METTL25B: variants seen among roughly 807,000 people sequenced by gnomAD.
The protein encoded by METTL25B is methyltransferase-like protein 25B.
METTL25B carries 38 observed loss-of-function variants against 48.4 expected under a neutral mutation model. That is an observed-to-expected ratio of 0.78 (90% CI 0.61 to 1.03). METTL25B has a LOEUF of 1.03. Among genes scored for constraint, METTL25B ranks in the 50% least tolerant of loss-of-function variants. The probability of loss-of-function intolerance (pLI) is 0.00; values close to 1 mark genes in which losing one functional copy is unlikely to be tolerated. For synonymous variants in METTL25B, 230 were observed against 254.5 expected, an observed-to-expected ratio of 0.90 and a Z score of 0.92; for missense variants, 537 against 603.7, an observed-to-expected ratio of 0.89 and a Z score of 1.16.
intron 4 of METTL25B, 26 bp downstream of exon 4, chr1:156,733,073 T>A (rs1434848149): frequency 1.2e-6 from 2 of 1,608,576 alleles, no homozygotes. Context: ...GATGTACTGT[T>A]TTTTTGAGTC....
chr1:156,733,579 G>A (rs551512283), intron 5 of METTL25B, 59 bp downstream of exon 5: 7 of 1,561,904 alleles, frequency 4.5e-6, no homozygotes, highest in Non-Finnish European at 5.3e-6. Flanking sequence ...GGCTGGAATT[G>A]AGCACAGAGG....
At chr1:156,733,651 C>T in intron 5 of METTL25B, 131 bp downstream of exon 5, 1 of 1,029,764 alleles carries the variant, frequency 9.7e-7, no homozygotes, top group Non-Finnish European at 1.4e-6. Context: ...TCTATTACCT[C>T]TTTCCCAAGG....
chr1:156,733,433 A>G lies in METTL25B; in HGVS notation c.549A>G (p.Glu183=). ...LGLGLMVKSI[E]GDQRLVERAQ... ...TGGGGTTGATGGTGAAGAGCATCGA[A>G]GGGGATCAGAGACTGGTGGAGAGAG... The change falls in exon 5 of 8, where the codon GAA becomes GAG. Residue 183 remains glutamate, a synonymous_variant. Transcript: ENST00000368216. 2 of 1,614,022 alleles carry G rather than the reference A, an allele frequency of 1.2e-6. No individual in the cohort carries two copies. The highest frequency in any genetic ancestry group is 1.7e-6 in the Non-Finnish European group (2 of 1,179,948).
chr1:156,735,282 C>T (rs1205494429), intron 6 of METTL25B, among the ~76,000 whole-genome samples: 1 of 149,400 alleles, frequency 6.7e-6, no homozygotes, highest in Non-Finnish European at 1.5e-5. Context: ...GAGCAAGACT[C>T]TGTCTCCAAA....
chr1:156,728,518 C>T lies in METTL25B; in HGVS notation c.-587C>T, dbSNP rs561651983. 1.0e-6 allele frequency: 1 copy of T among 985,644 alleles called. No individual in the cohort carries two copies. The highest frequency in any genetic ancestry group is 4.7e-5 in the South Asian group (1 of 21,484). 61.1% of individuals were successfully genotyped at this position (985,644 alleles called of 1,614,324 possible). ...AGGCAGGCGCGCGGGTTAGAACGCGCCAGAGGTCGGCGCGCGCACACCCGC... is the reference window on the plus strand; with the variant it reads ...AGGCAGGCGCGCGGGTTAGAACGCGTCAGAGGTCGGCGCGCGCACACCCGC... On this transcript the variant is annotated 5_prime_UTR_variant, in exon 1 of 8. Transcript: ENST00000368216.
chr1:156,735,878 A>G lies in METTL25B; in HGVS notation c.1275A>G (p.Leu425=), dbSNP rs1337754936. ...CCCCACTGGTGGAGACGCTTATTCT[A>G]CTGGACCGGCTGCTGTACCTTCAGG... ...LLAPLVETLI[L]LDRLLYLQEQ... Residue 425 remains leucine (L), a synonymous_variant, in exon 7 of 8, where the codon CTA becomes CTG. Coordinates refer to ENST00000368216, the MANE Select transcript of METTL25B (RefSeq NM_015997.4). The G allele has an allele frequency of 2.5e-6, 4 of 1,612,184 alleles. No individual in the cohort carries two copies. Among genetic ancestry groups the G allele is most frequent in the Non-Finnish European group, 3.4e-6 (4 of 1,179,268 alleles).
chr1:156,736,058 G>C, intron 7 of METTL25B, 149 bp downstream of exon 7: 2 of 637,204 alleles, frequency 3.1e-6, no homozygotes, highest in Non-Finnish European at 5.1e-6. Flanking sequence ...ATTGGGAGTA[G>C]GGGATTTGTT....
chr1:156,735,669 T>G, intron 6 of METTL25B, 56 bp from the exon 7 acceptor site: 36 of 1,435,176 alleles, frequency 2.5e-5, no homozygotes, highest in Non-Finnish European at 3.1e-5. Context: ...AAAGTTTAAG[T>G]GAGAGGTGAC....
rs756829274 is a variant in METTL25B, at chr1:156,733,147, A to G, written c.492+100A>G. On this transcript the variant is annotated intron_variant, in intron 4 of 7. Coordinates refer to ENST00000368216, the MANE Select transcript of METTL25B (RefSeq NM_015997.4). Reference sequence around the variant, plus strand: ...CACAGGCCCAGCGAGGCAGGTGTCAAGAAGCGTGGAATTTTTTTTTTCTCT... The same window carrying G: ...CACAGGCCCAGCGAGGCAGGTGTCAGGAAGCGTGGAATTTTTTTTTTCTCT... 1.8e-5 allele frequency: 23 copies of G among 1,274,228 alleles called. No homozygotes were observed. In the South Asian group the frequency reaches 2.9e-4, roughly 16 times the overall value. The allele number at this position is 1,274,228 out of a possible 1,614,324, so 78.9% of individuals were successfully genotyped here.
rs10908517 is a variant in METTL25B, at chr1:156,728,554, C to A, written c.-551C>A. 0.2 allele frequency: 195,265 copies of A among 985,440 alleles called. 19,813 individuals are homozygous for A. Among genetic ancestry groups the A allele is most frequent in the Admixed American group, 0.21 (3,392 of 16,270 alleles). 61.0% of individuals were successfully genotyped at this position (985,440 alleles called of 1,614,324 possible). On this transcript the variant is annotated 5_prime_UTR_variant, in exon 1 of 8. Transcript: ENST00000368216. ...CGCGCGCACACCCGCACCGCCCCGA[C>A]CCCAGGTAGTGAGGCCAGTGATTCC... is the stretch of plus-strand genomic sequence containing the variant.
intron 6 of METTL25B, 36 bp from the exon 7 acceptor site, chr1:156,735,689 A>C (rs750070955): frequency 1.3e-6 from 2 of 1,539,296 alleles, no homozygotes; most frequent in Non-Finnish European, 1.8e-6. Context: ...CAGTTCTTAA[A>C]ACCAAACTGA....
Position 156,735,873 on chromosome 1 carries a change from A to C in METTL25B, c.1270A>C (p.Ile424Leu), listed in dbSNP as rs1163802414. Residue 424 changes from isoleucine to leucine, a missense_variant, in exon 7 of 8, where the codon ATT (isoleucine) becomes CTT (leucine). Physicochemically the swap from Ile to Leu is conservative, Grantham distance 5 (BLOSUM62 2). Transcript: ENST00000368216. The part of the protein sequence containing the change: ...LLLAPLVETL[I>L]LLDRLLYLQE... ...GCTTGCCCCACTGGTGGAGACGCTT[A>C]TTCTACTGGACCGGCTGCTGTACCT... The C allele has an allele frequency of 1.9e-6, 3 of 1,612,678 alleles. No individual in the cohort carries two copies. The highest frequency in any genetic ancestry group is 2.5e-6 in the Non-Finnish European group (3 of 1,179,448).
intron 4 of METTL25B, 138 bp from the exon 5 acceptor site, chr1:156,733,239 C>T: frequency 9.2e-6 from 10 of 1,092,222 alleles, no homozygotes; most frequent in Non-Finnish European, 1.3e-5. Flanking sequence ...TTAAGCCACA[C>T]TGATGTTAAT....
At chr1:156,730,625 G>A (rs546233404) in intron 1 of METTL25B, among the ~76,000 whole-genome samples, 2 of 152,194 alleles carry the variant, frequency 1.3e-5, no homozygotes, top group East Asian at 3.9e-4. Flanking sequence ...CCAGCTACTA[G>A]GGAGGCTGAG....
At chr1:156,733,274 C>G in intron 4 of METTL25B, 103 bp from the exon 5 acceptor site, 1 of 1,405,870 alleles carries the variant, frequency 7.1e-7, no homozygotes, top group Non-Finnish European at 9.7e-7. Context: ...AAAATTTAAG[C>G]CTTCTGTGGG....
At chr1:156,733,664 G>C (rs10908518) in intron 5 of METTL25B, 144 bp downstream of exon 5, 885,208 of 892,274 alleles carry the variant, frequency 0.99, 439,418 homozygotes, top group East Asian at 1. Flanking sequence ...TCCCAAGGTT[G>C]CCCTTTCCCC....
chr1:156,729,415 CTTTT>C (rs1649045434), intron 1 of METTL25B, 200 bp downstream of exon 1: 1 of 416,840 alleles, frequency 2.4e-6, no homozygotes, highest in Non-Finnish European at 4.2e-6. Context: ...CTTTTTTTTT[CTTTT>C]TCTTTTTTTT....
chr1:156,734,133 T>C lies in METTL25B; in HGVS notation c.761T>C (p.Leu254Pro). Residue 254 changes from leucine (L) to proline (P), a missense_variant, in exon 6 of 8, where the codon CTC becomes CCC. By Grantham distance (98) the Leu-to-Pro change is moderately conservative. Transcript: ENST00000368216. ...TGTCAGGGCAGGGCCCGCTTGCTGCTCACAGGCCTCCACGCCTGTGGGGAT... is the reference window on the plus strand; with the variant it reads ...TGTCAGGGCAGGGCCCGCTTGCTGCCCACAGGCCTCCACGCCTGTGGGGAT... ...NPCQGRARLL[L>P]TGLHACGDLS... 6.2e-7 allele frequency: 1 copy of C among 1,614,206 alleles called. No homozygotes were observed. Among genetic ancestry groups the C allele is most frequent in the South Asian group, 1.1e-5 (1 of 91,092 alleles).
Position 156,728,685 on chromosome 1 carries a change from A to T in METTL25B, c.-420A>T. The T allele has an allele frequency of 1.0e-6, 1 of 989,062 alleles. No homozygotes were observed. The highest frequency in any genetic ancestry group is 4.5e-5 in the South Asian group (1 of 22,410). The allele number at this position is 989,062 out of a possible 1,614,324, so 61.3% of individuals were successfully genotyped here. A position where few individuals can be genotyped will look rare whatever the true frequency, so the allele number is the denominator to read the frequency against. On this transcript the variant is annotated 5_prime_UTR_variant, in exon 1 of 8. The change creates a premature stop within an existing upstream ORF in the 5' untranslated region. Coordinates refer to ENST00000368216, the MANE Select transcript of METTL25B (RefSeq NM_015997.4). Reference sequence around the variant, plus strand: ...TCTAGCCCCGTGGTGGTACAACGCGAAGGTGTGGGAAGGCCGCGATAAACC... The same window carrying T: ...TCTAGCCCCGTGGTGGTACAACGCGTAGGTGTGGGAAGGCCGCGATAAACC...
Sources: allele counts gnomAD v4.1 joint callset (sites outside exome capture counted in the v4.1 genomes callset), GRCh38; gene constraint gnomAD v4.1.1; transcripts MANE v1.5; gene names NCBI Gene and HGNC (gene_info 2026-07-23, HGNC 2026-07-21).